Variants in ADAMTSL1 observed in about 807,000 individuals in gnomAD.
ADAMTSL1 encodes the protein ADAMTS like 1.
A neutral mutation model predicts 201.8 loss-of-function variants in ADAMTSL1; 126 were observed. The observed-to-expected ratio is 0.62, with a 90% confidence interval of 0.54 to 0.72. The LOEUF is 0.72. Among genes scored for constraint, ADAMTSL1 ranks in the 30% least tolerant of loss-of-function variants. The probability of loss-of-function intolerance (pLI) is 0.00; values close to 1 mark genes in which losing one functional copy is unlikely to be tolerated. For synonymous variants in ADAMTSL1, 1,121 were observed against 903.4 expected, an observed-to-expected ratio of 1.24 and a Z score of -4.32; for missense variants, 2,679 against 2,277.8, an observed-to-expected ratio of 1.18 and a Z score of -3.59.
In ADAMTSL1 at chr9:18,505,088, C is replaced by T. The variant is rs928170886; in HGVS notation, c.191+132C>T. ...AGATAAAAGAAAAGAATTAAAGGAA[C>T]GTACAAATAATTAAATTTGTGTTCT... is the stretch of plus-strand genomic sequence containing the variant. On this transcript the variant is annotated intron_variant, in intron 2 of 28. Transcript: ENST00000380548. 26 of 1,178,168 alleles carry T rather than the reference C, an allele frequency of 2.2e-5. 1 individual carries two copies. The East Asian group carries it at 6.6e-4, about 30-fold the overall frequency. 73.0% of individuals were successfully genotyped at this position (1,178,168 alleles called of 1,614,324 possible).
intron 23 of ADAMTSL1, among the ~76,000 whole-genome samples, chr9:18,844,502 A>T (rs1825956666): frequency 6.6e-6 from 1 of 152,144 alleles, no homozygotes; most frequent in African/African-American, 2.4e-5. Context: ...GACCCACTTG[A>T]GAAGGCAGTC....
chr9:18,069,002 A>G (rs1232647979), intron 1 of ADAMTSL1, among the ~76,000 whole-genome samples: 1 of 152,196 alleles, frequency 6.6e-6, no homozygotes, highest in Non-Finnish European at 1.5e-5. Flanking sequence ...TGGATTTAAA[A>G]ACAAAACAAC....
At chr9:18,408,552 A>G (rs1406752704) in intron 2 of ADAMTSL1, among the ~76,000 whole-genome samples, 1 of 152,222 alleles carries the variant, frequency 6.6e-6, no homozygotes, top group Non-Finnish European at 1.5e-5. Context: ...TGGTGATACC[A>G]TATAGAAAAA....
intron 2 of ADAMTSL1, among the ~76,000 whole-genome samples, chr9:18,207,659 T>G (rs1829709205): frequency 6.6e-6 from 1 of 152,204 alleles, no homozygotes; most frequent in South Asian, 2.1e-4. Context: ...TTAGGCGCCC[T>G]TGTAACATGC....
intron 2 of ADAMTSL1, among the ~76,000 whole-genome samples, chr9:18,213,371 A>G (rs974035497): frequency 1.3e-5 from 2 of 152,136 alleles, no homozygotes; most frequent in African/African-American, 2.4e-5. Flanking sequence ...TATCCTTCGG[A>G]GAACAAAACA....
intron 2 of ADAMTSL1, among the ~76,000 whole-genome samples, chr9:18,411,189 T>TATTTATTG (rs1818428048): frequency 6.7e-6 from 1 of 149,588 alleles, no homozygotes; most frequent in Non-Finnish European, 1.5e-5. Flanking sequence ...TTTATTTATT[T>TATTTATTG]ATTTATTTTT....
At chr9:18,385,989 C>T (rs1837775187) in intron 2 of ADAMTSL1, among the ~76,000 whole-genome samples, 1 of 152,204 alleles carries the variant, frequency 6.6e-6, no homozygotes, top group African/African-American at 2.4e-5. Flanking sequence ...AATTTTATGG[C>T]AGCATATAAA....
chr9:18,508,180 T>C lies in ADAMTSL1; in HGVS notation c.191+3224T>C, dbSNP rs182625153. Among the ~76,000 whole-genome samples the C allele has an allele frequency of 9.8e-3, 1,461 of 148,728 alleles. 25 individuals are homozygous for C. Among genetic ancestry groups the C allele is most frequent in the African/African-American group, 0.034 (1,379 of 40,664 alleles). ...AGCCTGGGCGACGAGCGAAACTCCG[T>C]CTCAAAAAAAAAAGAAAAAAAAAAA... On this transcript the variant is annotated intron_variant, in intron 2 of 28. Transcript: ENST00000380548.
chr9:18,126,409 C>G, intron 1 of ADAMTSL1, among the ~76,000 whole-genome samples: 1 of 152,138 alleles, frequency 6.6e-6, no homozygotes, highest in East Asian at 1.9e-4. Context: ...CCTCCTTTAT[C>G]CTTCTATTTA....
intron 2 of ADAMTSL1, among the ~76,000 whole-genome samples, chr9:18,278,341 G>A (rs994803384): frequency 4.6e-5 from 7 of 152,112 alleles, no homozygotes; most frequent in African/African-American, 7.2e-5. Context: ...CAGGTCTAGA[G>A]GTAATGAACT....
intron 1 of ADAMTSL1, among the ~76,000 whole-genome samples, chr9:17,941,153 G>A (rs1827224080): frequency 6.6e-6 from 1 of 151,996 alleles, no homozygotes; most frequent in Non-Finnish European, 1.5e-5. Flanking sequence ...TGTCTGTATT[G>A]TAAAAGAGAG....
At chr9:17,982,921 A>G (rs1217238179) in intron 1 of ADAMTSL1, among the ~76,000 whole-genome samples, 2 of 151,866 alleles carry the variant, frequency 1.3e-5, no homozygotes, top group East Asian at 3.9e-4. Context: ...TCCTGGCTGC[A>G]TATTACCATT....
chr9:18,722,628 C>T (rs1833461551), intron 15 of ADAMTSL1, among the ~76,000 whole-genome samples: 1 of 152,164 alleles, frequency 6.6e-6, no homozygotes, highest in Non-Finnish European at 1.5e-5. Flanking sequence ...CATAGTCCTC[C>T]TCCAATCACA....
intron 26 of ADAMTSL1, 48 bp downstream of exon 26, chr9:18,892,644 G>T: frequency 6.5e-7 from 1 of 1,531,280 alleles, no homozygotes; most frequent in East Asian, 2.5e-5. Flanking sequence ...CTAAAGGAAT[G>T]GACCCTGCCA....
chr9:17,997,684 A>G (rs896065228), intron 1 of ADAMTSL1, among the ~76,000 whole-genome samples: 4 of 151,890 alleles, frequency 2.6e-5, no homozygotes, highest in South Asian at 4.2e-4. Flanking sequence ...CTGCACGGGG[A>G]AAAAAAAGAA....
chr9:18,528,117 A>T (rs1442815877), intron 2 of ADAMTSL1, among the ~76,000 whole-genome samples: 1 of 152,074 alleles, frequency 6.6e-6, no homozygotes, highest in Non-Finnish European at 1.5e-5. Context: ...ACCTCACATG[A>T]TCCACCTGTC....
In ADAMTSL1 at chr9:18,572,405, T is replaced by G. The variant is rs538969276; in HGVS notation, c.238-1625T>G. 4.6e-5 allele frequency among the ~76,000 whole-genome samples: 7 copies of G among 152,296 alleles called. No homozygotes were observed. In the South Asian group the frequency reaches 1.5e-3, roughly 32 times the overall value. ...TGCATCCTATTATCTAAAAAATTAA[T>G]AATTGGTAAATTTTATTCATACTCT... On this transcript the variant is annotated intron_variant, in intron 3 of 28. Coordinates refer to ENST00000380548, the MANE Select transcript of ADAMTSL1 (RefSeq NM_001040272.6).
rs376665742 is a variant in ADAMTSL1 at position 18,361,100 on chromosome 9, G to T, written c.208-143729G>T. ...ATACAAGATGGTATTGTTTTCCCCC[G>T]AATGTGGGTGCCTCCATGAGTTGTA... is the stretch of plus-strand genomic sequence containing the variant. On this transcript the variant is annotated intron_variant, in intron 2 of 29. Transcript: ENST00000680146. Among the ~76,000 whole-genome samples the T allele has an allele frequency of 9.1e-4, 139 of 152,152 alleles. 3 individuals are homozygous for T. The South Asian group carries it at 0.028, about 30-fold the overall frequency.
intron 23 of ADAMTSL1, among the ~76,000 whole-genome samples, chr9:18,857,600 C>T (rs565159452): frequency 1.3e-4 from 20 of 152,192 alleles, no homozygotes; most frequent in African/African-American, 4.6e-4. Context: ...ACTGCTGATG[C>T]TAATGCCAGT....
Sources: allele counts gnomAD v4.1 joint callset (sites outside exome capture counted in the v4.1 genomes callset), GRCh38; gene constraint gnomAD v4.1.1; transcripts MANE v1.5; gene names NCBI Gene and HGNC (gene_info 2026-07-23, HGNC 2026-07-21).